ZDHHC14: variants seen among roughly 807,000 people sequenced by gnomAD.
ZDHHC14 encodes the protein zDHHC palmitoyltransferase 14, also known as palmitoyltransferase ZDHHC14.
In ZDHHC14, 16 loss-of-function variants were observed where a neutral mutation model predicts 47.7. The ratio of observed to expected loss-of-function variants is 0.34; its 90% confidence interval spans 0.23 to 0.51. The LOEUF (loss-of-function observed/expected upper bound fraction) is 0.51, where lower values mean the gene tolerates loss of function less well. Ranked by LOEUF, ZDHHC14 falls within the 20% of genes least tolerant of loss-of-function variation. The pLI, the probability that ZDHHC14 is intolerant of heterozygous loss-of-function variation, is 0.97. For synonymous variants in ZDHHC14, 293 were observed against 278.9 expected, an observed-to-expected ratio of 1.05 and a Z score of -0.50; for missense variants, 515 against 662.5, an observed-to-expected ratio of 0.78 and a Z score of 2.44.
intron 8 of ZDHHC14, among the ~76,000 whole-genome samples, chr6:157,659,252 C>T (rs1232068508): frequency 6.6e-6 from 1 of 152,094 alleles, no homozygotes; most frequent in East Asian, 1.9e-4. Flanking sequence ...TGAAGTAAGC[C>T]CTGAAGGGGA....
At chr6:157,529,197 G>A (rs1235379164) in intron 1 of ZDHHC14, 3 of 154,784 alleles carry the variant, frequency 1.9e-5, no homozygotes, top group African/African-American at 7.2e-5. Flanking sequence ...CACTGCAGAA[G>A]TGGAGATCTC....
At chr6:157,522,334 G>T (rs1198586189) in intron 1 of ZDHHC14, among the ~76,000 whole-genome samples, 2 of 152,176 alleles carry the variant, frequency 1.3e-5, no homozygotes, top group African/African-American at 4.8e-5. Flanking sequence ...AATAATTGGA[G>T]TTTAGACTTG....
At chr6:157,495,493 G>A (rs1397094214) in intron 1 of ZDHHC14, among the ~76,000 whole-genome samples, 1 of 152,070 alleles carries the variant, frequency 6.6e-6, no homozygotes, top group Non-Finnish European at 1.5e-5. Context: ...CTCTAAGGAC[G>A]GACTTTGCAC....
At chr6:157,393,350 G>T (rs1174857382) in intron 1 of ZDHHC14, among the ~76,000 whole-genome samples, 1 of 152,304 alleles carries the variant, frequency 6.6e-6, no homozygotes, top group East Asian at 1.9e-4. Flanking sequence ...TGTAGCCAAC[G>T]GCCCTGCCTG....
chr6:157,592,794 C>T (rs2114892000), intron 2 of ZDHHC14, 194 bp from the exon 3 acceptor site: 1 of 1,407,886 alleles, frequency 7.1e-7, no homozygotes, highest in African/African-American at 1.5e-5. Context: ...GGCCCCTGCA[C>T]GTGTGCAACG....
intron 2 of ZDHHC14, among the ~76,000 whole-genome samples, chr6:157,557,303 C>T (rs988847648): frequency 2.0e-5 from 3 of 152,258 alleles, no homozygotes; most frequent in South Asian, 4.1e-4. Context: ...GCCAGCACCA[C>T]GGGCGGGCAG....
chr6:157,650,105 C>T (rs1007092699), intron 7 of ZDHHC14, among the ~76,000 whole-genome samples: 1 of 151,564 alleles, frequency 6.6e-6, no homozygotes, highest in Admixed American at 6.6e-5. Context: ...GTGCCAGGCA[C>T]TGGGGGTGCA....
chr6:157,637,480 G>T (rs1332651145), intron 5 of ZDHHC14, among the ~76,000 whole-genome samples: 1 of 152,174 alleles, frequency 6.6e-6, no homozygotes, highest in East Asian at 1.9e-4. Context: ...GTTTATGATG[G>T]ATGAGTTTGA....
At chr6:157,514,553 C>G (rs1562456328) in intron 1 of ZDHHC14, among the ~76,000 whole-genome samples, 1 of 152,228 alleles carries the variant, frequency 6.6e-6, no homozygotes, top group Non-Finnish European at 1.5e-5. Context: ...TCCCTGGAAT[C>G]CCCAATCTAG....
intron 1 of ZDHHC14, among the ~76,000 whole-genome samples, chr6:157,455,232 A>G (rs1285662529): frequency 6.6e-6 from 1 of 152,208 alleles, no homozygotes; most frequent in Non-Finnish European, 1.5e-5. Flanking sequence ...TGTGATGAGC[A>G]CCTGCTGCAG....
At chr6:157,595,160 T>C (rs912623247) in intron 3 of ZDHHC14, among the ~76,000 whole-genome samples, 2 of 151,082 alleles carry the variant, frequency 1.3e-5, no homozygotes, top group African/African-American at 2.4e-5. Flanking sequence ...CTCTGTTTCT[T>C]GTCTCTAGGC....
chr6:157,435,523 T>G (rs1271419085), intron 1 of ZDHHC14, among the ~76,000 whole-genome samples: 3 of 152,016 alleles, frequency 2.0e-5, no homozygotes, highest in African/African-American at 7.3e-5. Context: ...CCTCCTTTCC[T>G]CCCTCATTTC....
chr6:157,425,318 C>T (rs1778193790), intron 1 of ZDHHC14, among the ~76,000 whole-genome samples: 1 of 152,194 alleles, frequency 6.6e-6, no homozygotes, highest in African/African-American at 2.4e-5. Context: ...CTTGCTTCTA[C>T]CACCCTACTG....
intron 5 of ZDHHC14, among the ~76,000 whole-genome samples, chr6:157,642,714 T>G (rs1219038632): frequency 6.6e-6 from 1 of 152,226 alleles, no homozygotes; most frequent in Non-Finnish European, 1.5e-5. Flanking sequence ...TCCTTTCTCT[T>G]TCTAAAAAAA....
intron 2 of ZDHHC14, among the ~76,000 whole-genome samples, chr6:157,578,044 T>G (rs1783372891): frequency 9.8e-6 from 1 of 102,240 alleles, no homozygotes; most frequent in South Asian, 2.6e-4. Context: ...AATGGGGTTG[T>G]TTTTTTTTCT....
Position 157,611,054 on chromosome 6 carries a change from C to G in ZDHHC14, c.566-17295C>G, listed in dbSNP as rs994696535. ...TTGTTTTTTGAGACAGGGTCCTGCT[C>G]TGTCTGCTGGAGTGCTGTGATGCAA... On this transcript the variant is annotated intron_variant, in intron 3 of 8. Coordinates refer to ENST00000359775, the MANE Select transcript of ZDHHC14 (RefSeq NM_024630.3). Among the ~76,000 whole-genome samples the G allele has an allele frequency of 2.0e-5, 3 of 152,186 alleles. No homozygotes were observed. In the East Asian group the frequency reaches 5.8e-4, roughly 29 times the overall value.
At chr6:157,473,460 G>C (rs997963057) in intron 1 of ZDHHC14, among the ~76,000 whole-genome samples, 6 of 152,178 alleles carry the variant, frequency 3.9e-5, no homozygotes, top group African/African-American at 1.4e-4. Flanking sequence ...ATGTCCTCCA[G>C]ATTCACCTGT....
Position 157,658,996 on chromosome 6 carries a change from C to G in ZDHHC14, c.1068+5369C>G, listed in dbSNP as rs534462198. Among the ~76,000 whole-genome samples the G allele has an allele frequency of 5.3e-5, 8 of 152,140 alleles. No homozygotes were observed. The South Asian group carries it at 1.7e-3, about 32-fold the overall frequency. Reference sequence around the variant, plus strand: ...CTAATTCACTCTACTTATTATAGGTCTATTCAGATTTTTTACTTTTCCCTT... The same window carrying G: ...CTAATTCACTCTACTTATTATAGGTGTATTCAGATTTTTTACTTTTCCCTT... On this transcript the variant is annotated intron_variant, in intron 8 of 8. Transcript: ENST00000359775.
intron 7 of ZDHHC14, among the ~76,000 whole-genome samples, chr6:157,648,920 A>C (rs1352097298): frequency 2.0e-5 from 3 of 152,180 alleles, no homozygotes; most frequent in Admixed American, 6.5e-5. Context: ...TGTGGGTCTA[A>C]GAGAGGATGC....
Sources: gnomAD v4.1 joint callset for allele counts (sites outside exome capture counted in the v4.1 genomes callset) on GRCh38, gnomAD v4.1.1 for gene constraint, MANE v1.5 for transcripts, NCBI Gene and HGNC (gene_info 2026-07-23, HGNC 2026-07-21) for gene names.